LTBP4: variants seen among roughly 807,000 people sequenced by gnomAD.
LTBP4 encodes latent-transforming growth factor beta-binding protein 4.
Under a neutral mutation model 180.2 loss-of-function variants are expected in LTBP4, and 93 were observed. The observed-to-expected ratio is 0.52, with a 90% CI of 0.44 to 0.61. LTBP4 has a LOEUF of 0.61. Among genes scored for constraint, LTBP4 ranks in the 20% least tolerant of loss-of-function variants. The probability of loss-of-function intolerance (pLI) is 0.00; values close to 1 mark genes in which losing one functional copy is unlikely to be tolerated. For missense variants in LTBP4, 2,116 were observed against 2,256.5 expected (o/e 0.94, Z 1.26); for synonymous variants, 947 against 934.5 (o/e 1.01, Z -0.24).
intron 1 of LTBP4, among the ~76,000 whole-genome samples, chr19:40,593,860 C>G (rs1030037115): frequency 6.6e-6 from 1 of 151,904 alleles, no homozygotes; most frequent in African/African-American, 2.4e-5. Flanking sequence ...GTGGTGTGAT[C>G]TCAGCTCACC....
At position 40,605,259 on chromosome 19, in the gene LTBP4, C is replaced by G; in HGVS notation, c.442+33C>G. The G allele has an allele frequency of 1.3e-6, 2 of 1,563,550 alleles. No individual in the cohort carries two copies. The highest frequency in any genetic ancestry group is 1.7e-6 in the Non-Finnish European group (2 of 1,153,376). On this transcript the variant is annotated intron_variant, in intron 2 of 29. Transcript: ENST00000396819. This position sits in a 1 kb window ranked among gnomAD's most constrained non-coding sequence, Gnocchi z 5.5. ...AAGGGTGGCCAGAGTCCCCTCCGACCCCTGTCAAGCATTTCACTTTGCCCC... is the reference window on the plus strand; with the variant it reads ...AAGGGTGGCCAGAGTCCCCTCCGACGCCTGTCAAGCATTTCACTTTGCCCC...
At chr19:40,628,055 G>T (rs1172720979) in intron 29 of LTBP4, among the ~76,000 whole-genome samples, 198 bp downstream of exon 29, 1 of 152,262 alleles carries the variant, frequency 6.6e-6, no homozygotes, top group Admixed American at 6.5e-5. Context: ...TGCCAGCAGG[G>T]CAGGGCTTAA....
chr19:40,605,769 G>C lies in LTBP4; in HGVS notation c.731G>C (p.Cys244Ser). The C allele has an allele frequency of 6.5e-7, 1 of 1,543,156 alleles. No individual in the cohort carries two copies. The highest frequency in any genetic ancestry group is 8.7e-7 in the Non-Finnish European group (1 of 1,146,738). ...CCCGGGCTCCGGACGCAGGAGGTCT[G>C]CTGCCGAGGGGCCGGCTTGGCCTGG... is the stretch of plus-strand genomic sequence containing the variant. ...PLPGLRTQEV[C>S]CRGAGLAWGV... is the part of the protein sequence containing the mutation. The change falls in exon 4 of 30, where the codon TGC becomes TCC. Residue 244 changes from cysteine to serine, a missense_variant. Cys to Ser is a moderately radical substitution (Grantham distance 112). Transcript: ENST00000396819. This position sits in a 1 kb window ranked among gnomAD's most constrained non-coding sequence, Gnocchi z 5.5.
chr19:40,617,031 A>G lies in LTBP4; in HGVS notation c.2944+11A>G, dbSNP rs1279561918. 2 of 1,612,770 alleles carry G rather than the reference A, an allele frequency of 1.2e-6. No individual in the cohort carries two copies. Among genetic ancestry groups the G allele is most frequent in the Admixed American group, 3.3e-5 (2 of 59,984 alleles). On this transcript the variant is annotated intron_variant, in intron 20 of 29. Coordinates refer to ENST00000396819, the MANE Select transcript of LTBP4 (RefSeq NM_001042545.2). ...GGGGCGGATGCCAGGGTGGGTGTCC[A>G]TCAGGCATCGGGTGAGATGTGGAGA...
chr19:40,601,473 G>C lies in LTBP4; in HGVS notation c.86G>C (p.Gly29Ala). 2 of 1,493,094 alleles carry C rather than the reference G, an allele frequency of 1.3e-6. No homozygotes were observed. The highest frequency in any genetic ancestry group is 1.8e-6 in the Non-Finnish European group (2 of 1,127,838). The allele number at this position is 1,493,094 out of a possible 1,614,324, so 92.5% of individuals were successfully genotyped here. A position where few individuals can be genotyped will look rare whatever the true frequency, so the allele number is the denominator to read the frequency against. ...LGPQPGLGRLGERLRVRFTPV... is the reference protein window; with the variant it reads ...LGPQPGLGRLAERLRVRFTPV... ...CCGCAGCCTGGACTGGGCCGGCTCG[G>C]AGAGCGTCTCCGCGTGCGCTTCACC... Residue 29 changes from glycine (G) to alanine (A), a missense_variant, in exon 1 of 30, where the codon GGA becomes GCA. Coordinates refer to ENST00000396819, the MANE Select transcript of LTBP4 (RefSeq NM_001042545.2).
At position 40,611,146 on chromosome 19, in the gene LTBP4, GTGCAGATGTGGATGAA is replaced by G; in HGVS notation, c.1811-1_1825del. 1.9e-6 allele frequency: 3 copies of G among 1,613,968 alleles called. No individual in the cohort carries two copies. The highest frequency in any genetic ancestry group is 2.5e-6 in the Non-Finnish European group (3 of 1,179,856). On this transcript the variant is annotated splice_acceptor_variant and splice_polypyrimidine_tract_variant and coding_sequence_variant and intron_variant, in exon 13 of 30. Coordinates refer to ENST00000396819, the MANE Select transcript of LTBP4 (RefSeq NM_001042545.2). LOFTEE classifies it high-confidence loss of function. This position sits in a 1 kb window ranked among gnomAD's most constrained non-coding sequence, Gnocchi z 4.4. Reference sequence around the variant, plus strand: ...CAAGTGACCCCGGGCCCCCTGCCCTGTGCAGATGTGGATGAATGCACCCAGAGCCCAGGCCTGTGTG... The same window carrying G: ...CAAGTGACCCCGGGCCCCCTGCCCTGTGCACCCAGAGCCCAGGCCTGTGTG...
upstream of LTBP4, chr19:40,601,282 C>T (rs1193139717): frequency 1.1e-6 from 1 of 874,160 alleles, no homozygotes; most frequent in African/African-American, 1.8e-5. Flanking sequence ...GGAGGGGGGG[C>T]CTGAGCGGGG....
At position 40,611,807 on chromosome 19, in the gene LTBP4, T is replaced by G. The variant is rs1002000702; in HGVS notation, c.2054-52T>G. On this transcript the variant is annotated intron_variant, in intron 13 of 29. Coordinates refer to ENST00000396819, the MANE Select transcript of LTBP4 (RefSeq NM_001042545.2). This position sits in a 1 kb window ranked among gnomAD's most constrained non-coding sequence, Gnocchi z 4.4. ...ATGCTGGGGTGGGTGGTGATGGCCA[T>G]GGGAATGGATTCAGGCCCCTTCCTC... 45 of 1,569,488 alleles carry G rather than the reference T, an allele frequency of 2.9e-5. No individual in the cohort carries two copies. The highest frequency in any genetic ancestry group is 3.9e-5 in the Non-Finnish European group (45 of 1,153,706).
chr19:40,611,327 G>C lies in LTBP4; in HGVS notation c.1986G>C (p.Thr662=). The change falls in exon 13 of 30, where the codon ACG becomes ACC. Residue 662 remains threonine, a synonymous_variant. Coordinates refer to ENST00000396819, the MANE Select transcript of LTBP4 (RefSeq NM_001042545.2). This position sits in a 1 kb window ranked among gnomAD's most constrained non-coding sequence, Gnocchi z 4.4. ...GTGGGCCCGGCCGCTGTGACAACAC[G>C]GCAGGCTCCTTTCACTGTGCCTGCC... ...PPCGPGRCDN[T]AGSFHCACPA... 6.2e-7 allele frequency: 1 copy of C among 1,611,924 alleles called. No individual in the cohort carries two copies. The highest frequency in any genetic ancestry group is 8.5e-7 in the Non-Finnish European group (1 of 1,179,572).
In LTBP4 at chr19:40,613,597, G is replaced by A; in HGVS notation, c.2557+68G>A. On this transcript the variant is annotated intron_variant, in intron 17 of 29. Coordinates refer to ENST00000396819, the MANE Select transcript of LTBP4 (RefSeq NM_001042545.2). The surrounding 1 kb of genome is among the most constrained non-coding windows in gnomAD (Gnocchi z 5.0). ...AGGGCAGGAAAAGGCGGGACGGGGA[G>A]AAGAGGGCGAAAAGGGGAAAACGAG... The A allele has an allele frequency of 6.5e-7, 1 of 1,540,316 alleles. No homozygotes were observed. The highest frequency in any genetic ancestry group is 8.7e-7 in the Non-Finnish European group (1 of 1,146,678).
upstream of LTBP4, chr19:40,601,366 G>A (rs1392367642): frequency 6.0e-6 from 7 of 1,172,658 alleles, no homozygotes; most frequent in African/African-American, 1.1e-4. Flanking sequence ...GCGGCGGCGC[G>A]GCGGAGCGCG....
chr19:40,616,566 C>T (rs1052559927), intron 19 of LTBP4, among the ~76,000 whole-genome samples: 1 of 152,136 alleles, frequency 6.6e-6, no homozygotes, highest in Non-Finnish European at 1.5e-5. Flanking sequence ...AATCTCATCT[C>T]TACTAAAAAT....
At position 40,622,482 on chromosome 19, in the gene LTBP4, G is replaced by A. The variant is rs769522435; in HGVS notation, c.3299G>A (p.Arg1100Gln). 1.4e-5 allele frequency: 22 copies of A among 1,610,176 alleles called. No homozygotes were observed. The highest frequency in any genetic ancestry group is 3.3e-4 in the Middle Eastern group (2 of 5,972). The change falls in exon 23 of 30, where the codon CGA becomes CAA. Residue 1100 changes from arginine (R) to glutamine (Q), a missense_variant. Arg to Gln is a conservative substitution (Grantham distance 43). Coordinates refer to ENST00000396819, the MANE Select transcript of LTBP4 (RefSeq NM_001042545.2). This position sits in a 1 kb window ranked among gnomAD's most constrained non-coding sequence, Gnocchi z 5.1. ...ARPPPPPLPR[R>Q]PSTPRQGPVG... ...CCACCTCCGCCACCCCTGCCCCGCCGACCCAGCACACCTAGGCAGGGCCCT... is the reference window on the plus strand; with the variant it reads ...CCACCTCCGCCACCCCTGCCCCGCCAACCCAGCACACCTAGGCAGGGCCCT...
At position 40,616,234 on chromosome 19, in the gene LTBP4, C is replaced by T. The variant is rs573806867; in HGVS notation, c.2813-655C>T. 6.7e-5 allele frequency among the ~76,000 whole-genome samples: 10 copies of T among 150,246 alleles called. No homozygotes were observed. In the South Asian group the frequency reaches 2.1e-3, roughly 31 times the overall value. On this transcript the variant is annotated intron_variant, in intron 19 of 29. Transcript: ENST00000396819. ...GCCTGAACCCGGGAGGTTGAAGCTC[C>T]AGTGAGCCATGATCCTGTCACTACA...
At chr19:40,608,429 G>GA in intron 8 of LTBP4, 55 bp from the exon 9 acceptor site, 1 of 1,598,518 alleles carries the variant, frequency 6.3e-7, no homozygotes, top group South Asian at 1.1e-5. Context: ...GCCCCATAGT[G>GA]AAAGGAGGCA....
At position 40,619,412 on chromosome 19, in the gene LTBP4, T is replaced by C. The variant is rs1486617659; in HGVS notation, c.3136T>C (p.Ser1046Pro). The C allele has an allele frequency of 6.2e-7, 1 of 1,613,790 alleles. No individual in the cohort carries two copies. The highest frequency in any genetic ancestry group is 8.5e-7 in the Non-Finnish European group (1 of 1,179,880). ...TGCCCTGTGTGAAAATGTCGAAGGC[T>C]CCTTCCTCTGTGTCTGCCCCAACAG... ...GAALCENVEG[S>P]FLCVCPNSPE... Residue 1046 changes from serine (S) to proline (P), a missense_variant, in exon 22 of 30, where the codon TCC becomes CCC. By Grantham distance (74) the Ser-to-Pro change is moderately conservative (BLOSUM62 -1). Around this residue, in one of 5 missense-constraint regions of LTBP4, gnomAD observed 278 missense variants for 373.0 expected, o/e 0.75. Coordinates refer to ENST00000396819, the MANE Select transcript of LTBP4 (RefSeq NM_001042545.2).
rs1433733192 is a variant in LTBP4 at position 40,611,669 on chromosome 19, C to T, written c.2054-190C>T. Among the ~76,000 whole-genome samples, 1 of 152,180 alleles carries T rather than the reference C, an allele frequency of 6.6e-6. No individual in the cohort carries two copies. Among genetic ancestry groups the T allele is most frequent in the Non-Finnish European group, 1.5e-5 (1 of 68,014 alleles). On this transcript the variant is annotated intron_variant, in intron 13 of 29. Coordinates refer to ENST00000396819, the MANE Select transcript of LTBP4 (RefSeq NM_001042545.2). The surrounding 1 kb of genome is among the most constrained non-coding windows in gnomAD (Gnocchi z 4.4). ...AGGCAACATGGAGTTGGTGCCTTAG[C>T]CCCCACCTTAGTAGCTGGAGAGACC...
intron 19 of LTBP4, 111 bp downstream of exon 19, chr19:40,614,557 G>T: frequency 7.5e-7 from 1 of 1,340,600 alleles, no homozygotes; most frequent in Non-Finnish European, 1.0e-6. Flanking sequence ...CGGAGGGAAA[G>T]AACACCCTCT....
Position 40,605,883 on chromosome 19 carries a change from C to T in LTBP4, c.793+52C>T. ...CTCGGAGCTGGGGAGTGGTGACAACCTCACCGTTCCTCCTACTCTGCCCTA... is the reference window on the plus strand; with the variant it reads ...CTCGGAGCTGGGGAGTGGTGACAACTTCACCGTTCCTCCTACTCTGCCCTA... On this transcript the variant is annotated intron_variant, in intron 4 of 29. Transcript: ENST00000396819. The surrounding 1 kb of genome is among the most constrained non-coding windows in gnomAD (Gnocchi z 5.5). 1.3e-6 allele frequency: 2 copies of T among 1,501,386 alleles called. No individual in the cohort carries two copies. The highest frequency in any genetic ancestry group is 1.8e-6 in the Non-Finnish European group (2 of 1,119,318). The allele number at this position is 1,501,386 out of a possible 1,614,324, so 93.0% of individuals were successfully genotyped here.
Sources: allele counts gnomAD v4.1 joint callset (sites outside exome capture counted in the v4.1 genomes callset), GRCh38; gene constraint gnomAD v4.1.1; regional missense constraint gnomAD v4.1.1; non-coding constraint Gnocchi (gnomAD v3.1); transcripts MANE v1.5; gene names NCBI Gene and HGNC (gene_info 2026-07-23, HGNC 2026-07-21).